Variants in CMC1 observed in about 807,000 individuals in gnomAD.
CMC1 encodes the protein C-X9-C motif containing 1.
Under a neutral mutation model 14.1 loss-of-function variants are expected in CMC1, and 14 were observed. That is an observed-to-expected ratio of 0.99 (90% CI 0.66 to 1.55). The LOEUF is 1.55. Ranked by LOEUF, CMC1 falls within the 40% of genes most tolerant of loss-of-function variation. The pLI is 0.00. For synonymous variants in CMC1, 50 were observed against 38.4 expected (o/e 1.30, Z -1.12); for missense variants, 127 against 123.8 (o/e 1.03, Z -0.12).
rs1354515310 is a variant in CMC1, at chr3:28,241,683, G to C, written c.-111G>C. ...TGCAAAGGGCCCGTGTTTCTGTTGC[G>C]GGAAGCTCCCGGGGGTCGCACGTGC... On this transcript the variant is annotated 5_prime_UTR_variant, in exon 1 of 4. Coordinates refer to ENST00000466830, the MANE Select transcript of CMC1 (RefSeq NM_182523.2). 6.5e-6 allele frequency: 8 copies of C among 1,235,914 alleles called. No individual in the cohort carries two copies. Among genetic ancestry groups the C allele is most frequent in the Non-Finnish European group, 8.1e-6 (8 of 987,896 alleles). 76.6% of individuals were successfully genotyped at this position (1,235,914 alleles called of 1,614,324 possible).
intron 2 of CMC1, among the ~76,000 whole-genome samples, chr3:28,278,360 T>C (rs1223859058): frequency 1.3e-5 from 2 of 152,198 alleles, no homozygotes; most frequent in Non-Finnish European, 1.5e-5. Flanking sequence ...TTATTAATTA[T>C]TGCAGTGTGA....
chr3:28,256,783 G>C (rs539300210), intron 1 of CMC1, among the ~76,000 whole-genome samples: 2 of 152,304 alleles, frequency 1.3e-5, no homozygotes, highest in East Asian at 3.9e-4. Context: ...CAGAGGTCTT[G>C]CTAGTTACTA....
In CMC1 at chr3:28,248,711, A is replaced by T. The variant is rs1323762310; in HGVS notation, c.19+6899A>T. On this transcript the variant is annotated intron_variant, in intron 1 of 3. Coordinates refer to ENST00000466830, the MANE Select transcript of CMC1 (RefSeq NM_182523.2). ...ATTACCTTGTACTTGATATAAGTGG[A>T]CCAAACAAAATTGTGCCCAAATAAA... 2.0e-5 allele frequency among the ~76,000 whole-genome samples: 3 copies of T among 152,188 alleles called. No individual in the cohort carries two copies. The East Asian group carries it at 5.8e-4, about 29-fold the overall frequency.
rs775767513 is a variant in CMC1 at position 28,324,669 on chromosome 3, C to G, written c.*5040C>G. ...TTACTGTGACTTTAGATATTTGTCT[C>G]TTAGCTGCTCCTGATGTCTCTTTCC... On this transcript the variant is annotated 3_prime_UTR_variant, in exon 4 of 4. Transcript: ENST00000466830. 7.6e-6 allele frequency: 3 copies of G among 396,378 alleles called. No homozygotes were observed. The highest frequency in any genetic ancestry group is 1.3e-5 in the Non-Finnish European group (3 of 224,768). The allele number at this position is 396,378 out of a possible 1,614,324, so 24.6% of individuals were successfully genotyped here.
At position 28,278,394 on chromosome 3, in the gene CMC1, A is replaced by C. The variant is rs142401354; in HGVS notation, c.109+15014A>C. ...GAAACCACTTTATCAGACAGTAGTA[A>C]AAATCTCTCTTATAAAGGGAAACAA... On this transcript the variant is annotated intron_variant, in intron 2 of 3. Coordinates refer to ENST00000466830, the MANE Select transcript of CMC1 (RefSeq NM_182523.2). 5.8e-4 allele frequency among the ~76,000 whole-genome samples: 89 copies of C among 152,318 alleles called. 1 individual carries two copies. The highest frequency in any genetic ancestry group is 2.0e-3 in the African/African-American group (85 of 41,574).
chr3:28,309,176 C>G (rs1702496038), intron 2 of CMC1, among the ~76,000 whole-genome samples: 1 of 152,158 alleles, frequency 6.6e-6, no homozygotes, highest in South Asian at 2.1e-4. Flanking sequence ...TCCAGGGCCT[C>G]TTTTCATTAT....
Position 28,316,325 on chromosome 3 carries a change from T to C in CMC1, c.110-8T>C. On this transcript the variant is annotated splice_polypyrimidine_tract_variant and splice_region_variant and intron_variant, in intron 2 of 3. Coordinates refer to ENST00000466830, the MANE Select transcript of CMC1 (RefSeq NM_182523.2). ...ACAAGTAATTTTTTCCTTCCAAATT[T>C]ATTTCAGATTTTACCAAATGTTGCA... 3 of 1,505,256 alleles carry C rather than the reference T, an allele frequency of 2.0e-6. No individual in the cohort carries two copies. The highest frequency in any genetic ancestry group is 2.7e-6 in the Non-Finnish European group (3 of 1,109,464). The allele number at this position is 1,505,256 out of a possible 1,614,324, so 93.2% of individuals were successfully genotyped here. A position where few individuals can be genotyped will look rare whatever the true frequency, so the allele number is the denominator to read the frequency against.
At chr3:28,314,813 G>T (rs543137761) in intron 2 of CMC1, among the ~76,000 whole-genome samples, 44 of 152,134 alleles carry the variant, frequency 2.9e-4, no homozygotes, top group Non-Finnish European at 5.0e-4. Flanking sequence ...TTGGTTGCTT[G>T]TGGTTTAAAA....
At chr3:28,284,645 G>A (rs1316145645) in intron 2 of CMC1, among the ~76,000 whole-genome samples, 4 of 152,014 alleles carry the variant, frequency 2.6e-5, no homozygotes, top group Non-Finnish European at 5.9e-5. Flanking sequence ...TTGCTCATTT[G>A]TGTATCTTAA....
intron 2 of CMC1, among the ~76,000 whole-genome samples, chr3:28,312,666 A>C (rs1702696118): frequency 6.6e-6 from 1 of 152,170 alleles, no homozygotes; most frequent in African/African-American, 2.4e-5. Flanking sequence ...GGAAGCTCCC[A>C]AGTTTTTTTC....
rs367671431 is a variant in CMC1 at position 28,256,399 on chromosome 3, C to A, written c.20-6892C>A. Among the ~76,000 whole-genome samples, 6 of 152,018 alleles carry A rather than the reference C, an allele frequency of 3.9e-5. No homozygotes were observed. The East Asian group carries it at 5.8e-4, about 15-fold the overall frequency. ...GAAAACCTCAATTCTACTCTTAAGG[C>A]CTTTGAACTGATTGTATTAGACCCA... On this transcript the variant is annotated intron_variant, in intron 1 of 3. Transcript: ENST00000466830.
intron 2 of CMC1, among the ~76,000 whole-genome samples, chr3:28,296,092 A>G (rs1462091682): frequency 1.3e-5 from 2 of 152,160 alleles, no homozygotes; most frequent in South Asian, 2.1e-4. Flanking sequence ...ACATATGAAC[A>G]GATTGTTAGA....
chr3:28,307,584 T>C (rs762745049), intron 2 of CMC1, among the ~76,000 whole-genome samples: 3 of 152,224 alleles, frequency 2.0e-5, no homozygotes, highest in Non-Finnish European at 4.4e-5. Context: ...TGAAGACTTA[T>C]AGTCAATATG....
chr3:28,316,237 C>A, intron 2 of CMC1, 96 bp from the exon 3 acceptor site: 1 of 627,752 alleles, frequency 1.6e-6, no homozygotes, highest in Non-Finnish European at 2.6e-6. Context: ...GGGTGACAGG[C>A]TTTCTTTTTT....
chr3:28,271,452 A>G (rs1411422597), intron 2 of CMC1, among the ~76,000 whole-genome samples: 1 of 152,198 alleles, frequency 6.6e-6, no homozygotes, highest in Non-Finnish European at 1.5e-5. Flanking sequence ...CATTTATTAA[A>G]TAGGGAATCC....
chr3:28,276,500 T>C (rs899462622), intron 2 of CMC1, among the ~76,000 whole-genome samples: 2 of 152,190 alleles, frequency 1.3e-5, no homozygotes, highest in East Asian at 3.8e-4. Flanking sequence ...ATTGTTCTAA[T>C]CTTCCTAGAC....
chr3:28,316,314 C>T lies in CMC1; in HGVS notation c.110-19C>T, dbSNP rs1185453390. ...TAGATATAATTACAAGTAATTTTTT[C>T]CTTCCAAATTTATTTCAGATTTTAC... On this transcript the variant is annotated intron_variant, in intron 2 of 3. Coordinates refer to ENST00000466830, the MANE Select transcript of CMC1 (RefSeq NM_182523.2). The T allele has an allele frequency of 1.5e-6, 2 of 1,368,242 alleles. No individual in the cohort carries two copies. Among genetic ancestry groups the T allele is most frequent in the Non-Finnish European group, 2.0e-6 (2 of 995,160 alleles). The allele number at this position is 1,368,242 out of a possible 1,614,324, so 84.8% of individuals were successfully genotyped here.
At chr3:28,255,083 C>G (rs1178289455) in intron 1 of CMC1, among the ~76,000 whole-genome samples, 1 of 152,134 alleles carries the variant, frequency 6.6e-6, no homozygotes, top group Non-Finnish European at 1.5e-5. Context: ...ATGGTCATAT[C>G]CTTTTACTTG....
At chr3:28,264,989 GTA>G (rs1699932390) in intron 2 of CMC1, among the ~76,000 whole-genome samples, 3 of 152,104 alleles carry the variant, frequency 2.0e-5, no homozygotes. Context: ...AAAGCGTAGA[GTA>G]TAACTTTAAA....
Sources: allele counts gnomAD v4.1 joint callset (sites outside exome capture counted in the v4.1 genomes callset), GRCh38; gene constraint gnomAD v4.1.1; transcripts MANE v1.5; gene names NCBI Gene and HGNC (gene_info 2026-07-23, HGNC 2026-07-21).